MTFMT: variants seen among roughly 807,000 people sequenced by gnomAD.
MTFMT encodes the protein mitochondrial methionyl-tRNA formyltransferase.
A neutral mutation model predicts 51.8 loss-of-function variants in MTFMT; 47 were observed. That is an observed-to-expected ratio of 0.91 (90% CI 0.72 to 1.16). The LOEUF (loss-of-function observed/expected upper bound fraction) is 1.16. Ranked by LOEUF, MTFMT falls within the 50% of genes most tolerant of loss-of-function variation. MTFMT has a pLI of 0.00. For synonymous variants in MTFMT, 196 were observed against 176.7 expected, an observed-to-expected ratio of 1.11 and a Z score of -0.87; for missense variants, 512 against 482.3, an observed-to-expected ratio of 1.06 and a Z score of -0.58.
chr15:65,002,464 C>A lies in MTFMT; in HGVS notation c.*598G>T, dbSNP rs1595886760. 6.6e-6 allele frequency: 1 copy of A among 152,000 alleles called. No homozygotes were observed. The highest frequency in any genetic ancestry group is 2.4e-5 in the African/African-American group (1 of 41,348). 9.4% of individuals were successfully genotyped at this position (152,000 alleles called of 1,614,324 possible). ...GTATGTATGTAGGTACATACATACA[C>A]CAGTTAGGGTTGCCCTTGTTCTTAA... On this transcript the variant is annotated 3_prime_UTR_variant, in exon 9 of 9. Coordinates refer to ENST00000220058, the MANE Select transcript of MTFMT (RefSeq NM_139242.4).
At chr15:65,014,910 G>A (rs562509539) in intron 6 of MTFMT, among the ~76,000 whole-genome samples, 19 of 150,844 alleles carry the variant, frequency 1.3e-4, no homozygotes, top group Admixed American at 7.9e-4. Context: ...GGGATTACAC[G>A]TGTGAGCCAC....
intron 6 of MTFMT, among the ~76,000 whole-genome samples, chr15:65,013,953 A>C (rs572902736): frequency 5.9e-5 from 9 of 152,070 alleles, no homozygotes; most frequent in African/African-American, 1.9e-4. Flanking sequence ...AAAAAAAAAA[A>C]ACAAAAAACA....
chr15:65,012,313 T>TA (rs1182695452), intron 6 of MTFMT, among the ~76,000 whole-genome samples: 1 of 150,936 alleles, frequency 6.6e-6, no homozygotes, highest in African/African-American at 2.4e-5. Flanking sequence ...ATAATAATAA[T>TA]AATAATAATA....
At position 65,006,098 on chromosome 15, in the gene MTFMT, T is replaced by C. The variant is rs1164219426; in HGVS notation, c.892+15A>G. 4.4e-6 allele frequency: 7 copies of C among 1,600,392 alleles called. No homozygotes were observed. The highest frequency in any genetic ancestry group is 6.0e-6 in the Non-Finnish European group (7 of 1,168,512). On this transcript the variant is annotated intron_variant, in intron 7 of 8. Transcript: ENST00000220058. The stretch of plus-strand genomic sequence containing the variant: ...GTGAAAACAGCTTCCATGTTAGCTA[T>C]TCAAAAGTTAGTACCAGCAAGGACT...
chr15:65,008,592 G>A (rs535437855), intron 6 of MTFMT, among the ~76,000 whole-genome samples: 1 of 152,188 alleles, frequency 6.6e-6, no homozygotes, highest in Admixed American at 6.5e-5. Context: ...TCTCAGTGCA[G>A]TGCTCTTTTT....
rs776071935 is a variant in MTFMT, at chr15:65,004,918, T to C, written c.911A>G (p.Gln304Arg). 1.2e-6 allele frequency: 2 copies of C among 1,611,824 alleles called. No homozygotes were observed. Among genetic ancestry groups the C allele is most frequent in the South Asian group, 1.1e-5 (1 of 90,906 alleles). ...SVLADPKLTG[Q>R]ALIPGSVIYH... ...TATTACTGATCCTGGAATAAGAGCC[T>C]GTCCCGTTAATTTTGGATCTGAAGA... The change falls in exon 8 of 9, where the codon CAG becomes CGG. Residue 304 changes from glutamine (Q) to arginine (R), a missense_variant. Physicochemically the swap from Gln to Arg is conservative, Grantham distance 43 (BLOSUM62 1). Coordinates refer to ENST00000220058, the MANE Select transcript of MTFMT (RefSeq NM_139242.4).
intron 5 of MTFMT, among the ~76,000 whole-genome samples, chr15:65,019,579 AAAAC>A (rs368435389): frequency 6.6e-6 from 1 of 152,324 alleles, no homozygotes; most frequent in African/African-American, 2.4e-5. Context: ...ACACTGGAAG[AAAAC>A]AAATCAAACA....
intron 6 of MTFMT, among the ~76,000 whole-genome samples, chr15:65,012,636 G>A (rs570166089): frequency 6.6e-6 from 1 of 152,258 alleles, no homozygotes; most frequent in African/African-American, 2.4e-5. Flanking sequence ...CTGACCTCAA[G>A]TGATCCACCT....
chr15:65,025,189 G>A (rs2086410753), intron 2 of MTFMT, among the ~76,000 whole-genome samples: 1 of 144,362 alleles, frequency 6.9e-6, no homozygotes, highest in African/African-American at 2.5e-5. Context: ...GCAGCCAGGA[G>A]TTTGGGACCA....
rs773625777 is a variant in MTFMT, at chr15:65,003,155, T to C, written c.1077A>G (p.Gln359=). Residue 359 remains glutamine, a synonymous_variant, in exon 9 of 9, where the codon CAA becomes CAG. Coordinates refer to ENST00000220058, the MANE Select transcript of MTFMT (RefSeq NM_139242.4). ...GAAATCTGCATTGGCTTGGTTGAGC[T>C]TGGGAATTTTTCTGGTACCAGGGGT... The part of the protein sequence containing the change: ...YLHPWYQKNS[Q]AQPSQCRFQT... The C allele has an allele frequency of 1.6e-5, 26 of 1,613,654 alleles. No individual in the cohort carries two copies. The highest frequency in any genetic ancestry group is 2.0e-5 in the Non-Finnish European group (24 of 1,179,820).
chr15:65,012,570 A>G (rs948477813), intron 6 of MTFMT, among the ~76,000 whole-genome samples: 2 of 151,926 alleles, frequency 1.3e-5, no homozygotes, highest in African/African-American at 4.8e-5. Context: ...TAATTTTTGT[A>G]AATATTTTTA....
At position 65,029,430 on chromosome 15, in the gene MTFMT, C is replaced by G; in HGVS notation, c.184G>C (p.Ala62Pro). 1 of 1,505,508 alleles carries G rather than the reference C, an allele frequency of 6.6e-7. No homozygotes were observed. The highest frequency in any genetic ancestry group is 8.9e-7 in the Non-Finnish European group (1 of 1,129,084). 93.3% of individuals were successfully genotyped at this position (1,505,508 alleles called of 1,614,324 possible). Residue 62 changes from alanine to proline, a missense_variant, in exon 1 of 9, where the codon GCG becomes CCG. Physicochemically the swap from Ala to Pro is conservative, Grantham distance 27. Transcript: ENST00000220058. Reference protein sequence around the residue: ...FFGTDQFAREALRALHAAREN... With the variant: ...FFGTDQFAREPLRALHAAREN... ...CTGGCGGCGTGCAGCGCCCGCAGCG[C>G]CTCGCGGGCGAACTGGTCCGTGCCG...
At chr15:65,017,346 C>T (rs1306313642) in intron 5 of MTFMT, among the ~76,000 whole-genome samples, 8 of 152,084 alleles carry the variant, frequency 5.3e-5, no homozygotes, top group Middle Eastern at 3.4e-3. Flanking sequence ...GAATAAGGTA[C>T]ATTAAAACTA....
rs183010495 is a variant in MTFMT, at chr15:65,027,618, G to C, written c.210-578C>G. Among the ~76,000 whole-genome samples, 96 of 152,284 alleles carry C rather than the reference G, an allele frequency of 6.3e-4. 1 individual carries two copies. Among genetic ancestry groups the C allele is most frequent in the African/African-American group, 2.1e-3 (89 of 41,548 alleles). ...TCCTGTGCATACAGAAACATATACA[G>C]TATGGATACTTTACACAACTGGGAT... On this transcript the variant is annotated intron_variant, in intron 1 of 8. Transcript: ENST00000220058.
Position 65,006,186 on chromosome 15 carries a change from C to T in MTFMT, c.819G>A (p.Pro273=), listed in dbSNP as rs781679969. 7.4e-6 allele frequency: 12 copies of T among 1,610,860 alleles called. No individual in the cohort carries two copies. Among genetic ancestry groups the T allele is most frequent in the Middle Eastern group, 3.3e-4 (2 of 6,050 alleles). The change falls in exon 7 of 9, where the codon CCG becomes CCA. Residue 273 remains proline, a synonymous_variant. Coordinates refer to ENST00000220058, the MANE Select transcript of MTFMT (RefSeq NM_139242.4). The part of the protein sequence containing the change: ...RLYRAIGNII[P]LQTLWMANTI... ...TATTCGCCATCCAGAGCGTCTGCAA[C>T]GGAATCTGCAAGTAAAATTAAAGAA...
At chr15:65,010,743 T>C (rs1184399123) in intron 6 of MTFMT, among the ~76,000 whole-genome samples, 1 of 152,226 alleles carries the variant, frequency 6.6e-6, no homozygotes, top group Non-Finnish European at 1.5e-5. Context: ...TGCTGGGTCA[T>C]AAGATACTTC....
intron 5 of MTFMT, among the ~76,000 whole-genome samples, chr15:65,018,903 C>T (rs369000316): frequency 2.0e-5 from 3 of 152,238 alleles, no homozygotes; most frequent in African/African-American, 7.2e-5. Flanking sequence ...GAATTAAGCC[C>T]CTGTCCCCAT....
chr15:65,005,731 C>T (rs1009743009), intron 7 of MTFMT, among the ~76,000 whole-genome samples: 10 of 151,950 alleles, frequency 6.6e-5, no homozygotes, highest in African/African-American at 2.4e-4. Flanking sequence ...GCCTCAGCCT[C>T]CCAAGTAGCT....
chr15:65,029,506 G>A lies in MTFMT; in HGVS notation c.108C>T (p.Asp36=). Residue 36 remains aspartate (D), a synonymous_variant, in exon 1 of 9, where the codon GAC becomes GAT. Transcript: ENST00000220058. ...TCTCGCGGACTCTGGAGTCCCGGCA[G>A]TCCTCCCAGCCGAGTCGGGCCAGTG... ...WRALARLGWE[D]CRDSRVREKP... 2 of 1,532,010 alleles carry A rather than the reference G, an allele frequency of 1.3e-6. No individual in the cohort carries two copies. Among genetic ancestry groups the A allele is most frequent in the African/African-American group, 1.4e-5 (1 of 70,382 alleles). The allele number at this position is 1,532,010 out of a possible 1,614,324, so 94.9% of individuals were successfully genotyped here.
Sources: gnomAD v4.1 joint callset for allele counts (sites outside exome capture counted in the v4.1 genomes callset) on GRCh38, gnomAD v4.1.1 for gene constraint, MANE v1.5 for transcripts, NCBI Gene and HGNC (gene_info 2026-07-23, HGNC 2026-07-21) for gene names.